LGR5: variants seen among roughly 807,000 people sequenced by gnomAD.
LGR5 encodes the protein leucine rich repeat containing G protein-coupled receptor 5, also known as leucine-rich repeat-containing G protein-coupled receptor 5.
LGR5 carries 54 observed loss-of-function variants against 76.7 expected under a neutral mutation model. The observed-to-expected ratio is 0.70, with a 90% CI of 0.57 to 0.88. LGR5 has a LOEUF of 0.88. Among genes scored for constraint, LGR5 ranks in the 40% least tolerant of loss-of-function variants. LGR5 has a pLI of 0.00. For missense variants in LGR5, 1,078 were observed against 1,073.3 expected (o/e 1.00, Z -0.06); for synonymous variants, 406 against 421.9 (o/e 0.96, Z 0.46).
At chr12:71,563,894 CTG>C in intron 8 of LGR5, among the ~76,000 whole-genome samples, 1 of 151,714 alleles carries the variant, frequency 6.6e-6, no homozygotes, top group Non-Finnish European at 1.5e-5. Flanking sequence ...TATATATATA[CTG>C]TGTGTATACA....
intron 4 of LGR5, among the ~76,000 whole-genome samples, chr12:71,535,706 C>G (rs1324563908): frequency 6.6e-6 from 1 of 152,038 alleles, no homozygotes; most frequent in Non-Finnish European, 1.5e-5. Context: ...CTGAAGCTTC[C>G]CCATCACAGA....
At chr12:71,565,657 C>T (rs1878307910) in intron 8 of LGR5, among the ~76,000 whole-genome samples, 1 of 150,600 alleles carries the variant, frequency 6.6e-6, no homozygotes, top group Non-Finnish European at 1.5e-5. Flanking sequence ...TACCCAATGA[C>T]AGCTTTTTAA....
At chr12:71,446,009 C>T (rs1438502129) in intron 1 of LGR5, among the ~76,000 whole-genome samples, 1 of 152,136 alleles carries the variant, frequency 6.6e-6, no homozygotes, top group Non-Finnish European at 1.5e-5. Context: ...TCCTTCAGGG[C>T]TTATTCTTCT....
At chr12:71,506,016 ATAAAC>A (rs1874840620) in intron 2 of LGR5, among the ~76,000 whole-genome samples, 1 of 152,222 alleles carries the variant, frequency 6.6e-6, no homozygotes, top group African/African-American at 2.4e-5. Flanking sequence ...TTTTTAATGA[ATAAAC>A]TAATGAGAAA....
Position 71,583,979 on chromosome 12 carries a change from C to T in LGR5, c.1969C>T (p.Leu657=). The change falls in exon 18 of 18, where the codon CTG becomes TTG. Residue 657 remains leucine, a synonymous_variant. Transcript: ENST00000266674. ...AGAATCATCTGTTTTCCTGCTTACT[C>T]TGGCAGCCCTGGAGCGTGGGTTCTC... ...ASESSVFLLT[L]AALERGFSVK... 1 of 1,614,204 alleles carries T rather than the reference C, an allele frequency of 6.2e-7. No individual in the cohort carries two copies. Among genetic ancestry groups the T allele is most frequent in the Non-Finnish European group, 8.5e-7 (1 of 1,180,038 alleles).
At chr12:71,569,559 G>A (rs1184845545) in intron 11 of LGR5, among the ~76,000 whole-genome samples, 1 of 152,142 alleles carries the variant, frequency 6.6e-6, no homozygotes, top group Non-Finnish European at 1.5e-5. Flanking sequence ...ATGAAAAATA[G>A]TTCAACATCA....
chr12:71,575,831 A>C (rs1353272161), intron 13 of LGR5, among the ~76,000 whole-genome samples: 2 of 152,104 alleles, frequency 1.3e-5, no homozygotes, highest in African/African-American at 4.8e-5. Context: ...AAGACATGGA[A>C]TCAACCCAAA....
intron 2 of LGR5, among the ~76,000 whole-genome samples, chr12:71,516,085 C>A (rs1422980539): frequency 6.6e-6 from 1 of 151,620 alleles, no homozygotes; most frequent in Non-Finnish European, 1.5e-5. Flanking sequence ...ATAAAGTAAT[C>A]TTACAATAAA....
In LGR5 at chr12:71,533,772, T is replaced by A. The variant is rs150814114; in HGVS notation, c.357-1343T>A. ...ATCACAATGAGCCCTGCAAGGTAGG[T>A]GTTATTACTGATCGCTGAGGCATAG... On this transcript the variant is annotated intron_variant, in intron 3 of 17. Transcript: ENST00000266674. Among the ~76,000 whole-genome samples, 376 of 152,332 alleles carry A rather than the reference T, an allele frequency of 2.5e-3. 2 individuals carry two copies. The highest frequency in any genetic ancestry group is 4.5e-3 in the Non-Finnish European group (306 of 68,032).
intron 1 of LGR5, among the ~76,000 whole-genome samples, chr12:71,477,984 C>G (rs901119195): frequency 1.3e-5 from 2 of 152,182 alleles, no homozygotes; most frequent in Non-Finnish European, 2.9e-5. Context: ...GTTACTTTAA[C>G]AGGTTCATTA....
chr12:71,515,081 A>G (rs1875371571), intron 2 of LGR5, among the ~76,000 whole-genome samples: 1 of 152,206 alleles, frequency 6.6e-6, no homozygotes, highest in African/African-American at 2.4e-5. Flanking sequence ...AAGAAAACCT[A>G]CCATGGTGGG....
Position 71,563,317 on chromosome 12 carries a change from T to C in LGR5, c.857+1465T>C, listed in dbSNP as rs371650672. Among the ~76,000 whole-genome samples the C allele has an allele frequency of 3.3e-5, 5 of 152,118 alleles. No individual in the cohort carries two copies. In the South Asian group the frequency reaches 1.0e-3, roughly 32 times the overall value. On this transcript the variant is annotated intron_variant, in intron 8 of 17. Transcript: ENST00000266674. ...ACCTCTGTAGTCCCCATCCTATCCA[T>C]ACCTCCTGACCTCCACTGCACCAGC...
Position 71,481,244 on chromosome 12 carries a change from C to T in LGR5, c.213-23370C>T, listed in dbSNP as rs117525004. ...TATTTGTCCTGATGATATCCCTCCC[C>T]TTACCCCCAACCCCCTGACAGGCCC... On this transcript the variant is annotated intron_variant, in intron 1 of 17. Transcript: ENST00000266674. Among the ~76,000 whole-genome samples the T allele has an allele frequency of 1.6e-3, 248 of 152,248 alleles. 3 individuals carry two copies. The East Asian group carries it at 0.025, about 15-fold the overall frequency.
intron 2 of LGR5, among the ~76,000 whole-genome samples, chr12:71,516,996 C>T (rs904903133): frequency 3.5e-5 from 4 of 115,546 alleles, no homozygotes; most frequent in Non-Finnish European, 7.3e-5. Context: ...ATTTTAGAAA[C>T]AGCATTAAAA....
rs191501067 is a variant in LGR5, at chr12:71,556,577, G to A, written c.645-42G>A. The A allele has an allele frequency of 5.1e-4, 615 of 1,212,758 alleles. 7 individuals carry two copies. In the East Asian group the frequency reaches 0.014, roughly 27 times the overall value. The allele number at this position is 1,212,758 out of a possible 1,614,324, so 75.1% of individuals were successfully genotyped here. Reference sequence around the variant, plus strand: ...GCTATCAAAATGTTAAGTGTGGTCTGTGCAGTGTGCCTTCCTAACTATCTG... The same window carrying A: ...GCTATCAAAATGTTAAGTGTGGTCTATGCAGTGTGCCTTCCTAACTATCTG... On this transcript the variant is annotated intron_variant, in intron 5 of 17. Transcript: ENST00000266674.
intron 1 of LGR5, among the ~76,000 whole-genome samples, chr12:71,447,881 G>A (rs1872075539): frequency 6.6e-6 from 1 of 152,206 alleles, no homozygotes; most frequent in Admixed American, 6.5e-5. Flanking sequence ...AACTCCAGCT[G>A]AGAACGCGTG....
rs1872068065 is a variant in LGR5, at chr12:71,447,749, G to T, written c.212+7457G>T. Among the ~76,000 whole-genome samples, 3 of 152,258 alleles carry T rather than the reference G, an allele frequency of 2.0e-5. No homozygotes were observed. In the South Asian group the frequency reaches 6.2e-4, roughly 32 times the overall value. On this transcript the variant is annotated intron_variant, in intron 1 of 17. Transcript: ENST00000266674. Reference sequence around the variant, plus strand: ...CAGAAATGATACAAACATTGGCAGGGCATAGCCGTGAAGGGCCGACCCTTT... The same window carrying T: ...CAGAAATGATACAAACATTGGCAGGTCATAGCCGTGAAGGGCCGACCCTTT...
At chr12:71,582,165 G>A (rs1879119328) in intron 16 of LGR5, 1 of 312,772 alleles carries the variant, frequency 3.2e-6, no homozygotes, top group African/African-American at 2.1e-5. Flanking sequence ...ATTTAGCTCT[G>A]CAATGTGGGG....
At chr12:71,544,295 CTTT>C (rs1212836974) in intron 4 of LGR5, among the ~76,000 whole-genome samples, 4 of 86,594 alleles carry the variant, frequency 4.6e-5, no homozygotes, top group South Asian at 3.9e-4. Context: ...TTTTCTTCGT[CTTT>C]TTTTTTTTCT....
Sources: allele counts gnomAD v4.1 joint callset (sites outside exome capture counted in the v4.1 genomes callset), GRCh38; gene constraint gnomAD v4.1.1; transcripts MANE v1.5; gene names NCBI Gene and HGNC (gene_info 2026-07-23, HGNC 2026-07-21).